NRXN3: variants seen among roughly 807,000 people sequenced by gnomAD.
The protein encoded by NRXN3 is neurexin 3, also known as neurexin III.
A neutral mutation model predicts 137.6 loss-of-function variants in NRXN3; 32 were observed. That is an observed-to-expected ratio of 0.23 (90% confidence interval 0.18 to 0.31). NRXN3 has a LOEUF of 0.31. Among genes scored for constraint, NRXN3 ranks in the 10% least tolerant of loss-of-function variants. NRXN3 has a pLI of 1.00. For missense variants in NRXN3, 1,574 were observed against 2,062.5 expected (o/e 0.76, Z 4.59); for synonymous variants, 798 against 784.5 (o/e 1.02, Z -0.29).
At chr14:78,236,843 G>T (rs1249902238) in intron 1 of NRXN3, among the ~76,000 whole-genome samples, 3 of 151,108 alleles carry the variant, frequency 2.0e-5, no homozygotes, top group African/African-American at 7.3e-5. Context: ...CAAAGCCCAT[G>T]TTCTCTCTCA....
chr14:78,291,116 G>A (rs1402126339), intron 3 of NRXN3, among the ~76,000 whole-genome samples: 2 of 152,180 alleles, frequency 1.3e-5, no homozygotes, highest in Non-Finnish European at 2.9e-5. Context: ...TGGATTCTCT[G>A]AGATATGTCT....
Position 79,841,448 on chromosome 14 carries a change from G to C in NRXN3, c.4094-19894G>C, listed in dbSNP as rs945709198. Among the ~76,000 whole-genome samples, 6 of 152,252 alleles carry C rather than the reference G, an allele frequency of 3.9e-5. No individual in the cohort carries two copies. In the South Asian group the frequency reaches 1.2e-3, roughly 32 times the overall value. On this transcript the variant is annotated intron_variant, in intron 20 of 20. Coordinates refer to ENST00000335750, the MANE Select transcript of NRXN3 (RefSeq NM_001330195.2). ...ATCATGACAGAGCAAATGAGCTTTT[G>C]GGGAAAACAGAAGCAAAATAAACCT...
At chr14:79,063,376 C>T (rs751921011) in intron 15 of NRXN3, among the ~76,000 whole-genome samples, 7 of 152,062 alleles carry the variant, frequency 4.6e-5, no homozygotes, top group South Asian at 4.1e-4. Flanking sequence ...CTCTGCCTCC[C>T]GGGTTCAAGC....
chr14:78,321,188 C>G (rs1230070775), intron 4 of NRXN3, among the ~76,000 whole-genome samples: 2 of 152,006 alleles, frequency 1.3e-5, no homozygotes, highest in African/African-American at 4.8e-5. Context: ...TGCTGGGATT[C>G]AAGTCCAGGG....
intron 15 of NRXN3, among the ~76,000 whole-genome samples, chr14:79,353,449 A>G (rs1239638457): frequency 1.3e-5 from 2 of 151,970 alleles, no homozygotes; most frequent in African/African-American, 2.4e-5. Flanking sequence ...TATCTTCACA[A>G]TGGTCCTGTA....
At chr14:79,707,598 T>C (rs2098785874) in intron 19 of NRXN3, among the ~76,000 whole-genome samples, 2 of 152,184 alleles carry the variant, frequency 1.3e-5, no homozygotes, top group Admixed American at 6.5e-5. Context: ...AAGATTATTA[T>C]TGCTGCTGTC....
At chr14:78,287,956 G>A (rs1475235462) in intron 3 of NRXN3, among the ~76,000 whole-genome samples, 1 of 151,922 alleles carries the variant, frequency 6.6e-6, no homozygotes, top group Non-Finnish European at 1.5e-5. Flanking sequence ...GATCAGTTCA[G>A]TTCATTATAG....
chr14:79,739,525 C>T (rs758661383), intron 19 of NRXN3, among the ~76,000 whole-genome samples: 15 of 151,532 alleles, frequency 9.9e-5, no homozygotes, highest in East Asian at 3.9e-4. Flanking sequence ...GCATCTGTAA[C>T]GCCAGCTACT....
chr14:79,343,459 G>T (rs1402976883), intron 15 of NRXN3, among the ~76,000 whole-genome samples: 1 of 152,164 alleles, frequency 6.6e-6, no homozygotes, highest in Non-Finnish European at 1.5e-5. Context: ...TGGAAAGGCG[G>T]TTTTATAACT....
chr14:78,338,175 G>A (rs905038944), intron 4 of NRXN3, among the ~76,000 whole-genome samples: 3 of 152,162 alleles, frequency 2.0e-5, no homozygotes, highest in Non-Finnish European at 4.4e-5. Flanking sequence ...TGCCCTTGAT[G>A]CTGTATCTCT....
chr14:79,361,243 G>A (rs1010457889), intron 15 of NRXN3, among the ~76,000 whole-genome samples: 6 of 152,282 alleles, frequency 3.9e-5, no homozygotes, highest in Admixed American at 3.9e-4. Context: ...GTGATAGCTA[G>A]AGCTGTTTCA....
At chr14:78,937,437 A>G (rs972246239) in intron 10 of NRXN3, among the ~76,000 whole-genome samples, 1 of 152,148 alleles carries the variant, frequency 6.6e-6, no homozygotes, top group African/African-American at 2.4e-5. Flanking sequence ...CTGGCAAAAC[A>G]GTCCTGTAAG....
intron 10 of NRXN3, among the ~76,000 whole-genome samples, chr14:78,845,905 G>GGTGTGTGTGTGTGTGT (rs3034390): frequency 1.4e-5 from 2 of 146,234 alleles, no homozygotes; most frequent in African/African-American, 5.0e-5. Flanking sequence ...AGTATGTTGG[G>GGTGTGTGTGTGTGTGT]GTGTGTGTGT....
chr14:79,641,377 T>C (rs2098433341), intron 16 of NRXN3, among the ~76,000 whole-genome samples: 1 of 135,590 alleles, frequency 7.4e-6, no homozygotes, highest in African/African-American at 2.5e-5. Context: ...CAGAAGGTTA[T>C]TACCAATCAG....
At chr14:79,777,025 G>A (rs1392288013) in intron 19 of NRXN3, among the ~76,000 whole-genome samples, 1 of 152,086 alleles carries the variant, frequency 6.6e-6, no homozygotes, top group Non-Finnish European at 1.5e-5. Flanking sequence ...ACCTCCACCT[G>A]CAAGGTTGTT....
intron 16 of NRXN3, among the ~76,000 whole-genome samples, chr14:79,513,866 C>G (rs1450838855): frequency 1.3e-5 from 2 of 152,160 alleles, no homozygotes; most frequent in African/African-American, 4.8e-5. Flanking sequence ...CAAGAAACAG[C>G]CTGCTGGCAG....
rs184614069 is a variant in NRXN3, at chr14:78,839,915, A to G, written c.2275+29571A>G. Among the ~76,000 whole-genome samples the G allele has an allele frequency of 5.3e-5, 8 of 152,352 alleles. No individual in the cohort carries two copies. The East Asian group carries it at 7.7e-4, about 15-fold the overall frequency. On this transcript the variant is annotated intron_variant, in intron 10 of 20. Transcript: ENST00000335750. ...CACTGATCCAATAAGGAAAACTTGT[A>G]TAAAGACTAATGTTTTTATGCTTCC...
intron 4 of NRXN3, among the ~76,000 whole-genome samples, chr14:78,362,930 G>C (rs1409988077): frequency 1.3e-5 from 2 of 152,174 alleles, no homozygotes; most frequent in African/African-American, 4.8e-5. Context: ...CTTAGGCATG[G>C]CTTGAGTCCA....
chr14:79,486,913 TTCTCTCTCTCTCTCTCTCTCTCTCTC>T (rs58861355), intron 16 of NRXN3, among the ~76,000 whole-genome samples: 35 of 128,546 alleles, frequency 2.7e-4, no homozygotes, highest in Non-Finnish European at 4.5e-4. Flanking sequence ...TCTTTACAGG[TTCTCTCTCTCTCTCTCTCTCTCTCTC>T]TCTCTCTCTC....
Sources: allele counts gnomAD v4.1 joint callset (sites outside exome capture counted in the v4.1 genomes callset), GRCh38; gene constraint gnomAD v4.1.1; transcripts MANE v1.5; gene names NCBI Gene and HGNC (gene_info 2026-07-23, HGNC 2026-07-21).